Variants in MAP3K4 observed in about 807,000 individuals in gnomAD.
The protein encoded by MAP3K4 is MAP three kinase 1.
A neutral mutation model predicts 185.6 loss-of-function variants in MAP3K4; 67 were observed. The observed-to-expected ratio is 0.36, with a 90% CI of 0.30 to 0.44. The LOEUF is 0.44. Among genes scored for constraint, MAP3K4 ranks in the 20% least tolerant of loss-of-function variants. The pLI, the probability that MAP3K4 is intolerant of heterozygous loss-of-function variation, is 1.00. For missense variants in MAP3K4, 1,551 were observed against 1,995.1 expected, an observed-to-expected ratio of 0.78 and a Z score of 4.24; for synonymous variants, 702 against 710.4, an observed-to-expected ratio of 0.99 and a Z score of 0.19.
rs1025319748 is a variant in MAP3K4 at position 161,109,535 on chromosome 6, A to G, written c.4237-220A>G. 6.6e-6 allele frequency among the ~76,000 whole-genome samples: 1 copy of G among 152,208 alleles called. No homozygotes were observed. The highest frequency in any genetic ancestry group is 1.5e-5 in the Non-Finnish European group (1 of 68,032). On this transcript the variant is annotated intron_variant, in intron 22 of 26. Coordinates refer to ENST00000392142, the MANE Select transcript of MAP3K4 (RefSeq NM_005922.4). The surrounding 1 kb of genome is among the most constrained non-coding windows in gnomAD (Gnocchi z 5.7). ...TGATTTGGAGATGTTCTTATCCCCA[A>G]GAGCTGTATAATTCCAGACAGAGGA...
Position 161,101,654 on chromosome 6 carries a change from C to A in MAP3K4, c.3675-238C>A, listed in dbSNP as rs577436206. On this transcript the variant is annotated intron_variant, in intron 17 of 26. Coordinates refer to ENST00000392142, the MANE Select transcript of MAP3K4 (RefSeq NM_005922.4). The surrounding 1 kb of genome is among the most constrained non-coding windows in gnomAD (Gnocchi z 5.1). ...AACAGACTCCAGAGGACGGTCTCCA[C>A]AGCAGCGCTGTTCACTTAGGGGGCT... 58 of 433,940 alleles carry A rather than the reference C, an allele frequency of 1.3e-4. No individual in the cohort carries two copies. Among genetic ancestry groups the A allele is most frequent in the Non-Finnish European group, 2.2e-4 (53 of 238,892 alleles). The allele number at this position is 433,940 out of a possible 1,614,324, so 26.9% of individuals were successfully genotyped here. A position where few individuals can be genotyped will look rare whatever the true frequency, so the allele number is the denominator to read the frequency against.
At chr6:161,047,978 G>A (rs1783814590) in intron 2 of MAP3K4, among the ~76,000 whole-genome samples, 1 of 152,130 alleles carries the variant, frequency 6.6e-6, no homozygotes, top group Non-Finnish European at 1.5e-5. Flanking sequence ...CTTCAGTCTT[G>A]CTAATTTTAA....
At chr6:161,013,360 A>G (rs1781936059) in intron 1 of MAP3K4, among the ~76,000 whole-genome samples, 1 of 152,210 alleles carries the variant, frequency 6.6e-6, no homozygotes, top group Admixed American at 6.5e-5. Flanking sequence ...AATTTAGGAC[A>G]GTTATCCTCA....
chr6:161,059,580 G>C (rs1404819546), intron 3 of MAP3K4, among the ~76,000 whole-genome samples: 1 of 152,028 alleles, frequency 6.6e-6, no homozygotes, highest in Non-Finnish European at 1.5e-5. Flanking sequence ...AACTATTTAT[G>C]AATTTTATTC....
At chr6:161,085,323 C>G (rs960881619) in intron 7 of MAP3K4, among the ~76,000 whole-genome samples, 2 of 152,132 alleles carry the variant, frequency 1.3e-5, no homozygotes, top group African/African-American at 4.8e-5. Flanking sequence ...TTAGTGCATT[C>G]CTTCTGTTGA....
chr6:161,049,086 C>T lies in MAP3K4; in HGVS notation c.814C>T (p.His272Tyr). 1 of 1,614,148 alleles carries T rather than the reference C, an allele frequency of 6.2e-7. No individual in the cohort carries two copies. Among genetic ancestry groups the T allele is most frequent in the Non-Finnish European group, 8.5e-7 (1 of 1,180,002 alleles). The change falls in exon 3 of 27, where the codon CAT becomes TAT. Residue 272 changes from histidine (H) to tyrosine (Y), a missense_variant. Physicochemically the swap from His to Tyr is moderately conservative, Grantham distance 83. Coordinates refer to ENST00000392142, the MANE Select transcript of MAP3K4 (RefSeq NM_005922.4). The surrounding 1 kb of genome is among the most constrained non-coding windows in gnomAD (Gnocchi z 8.4). Reference protein sequence around the residue: ...ELIWLELQAWHAGRTINDQDF... With the variant: ...ELIWLELQAWYAGRTINDQDF... ...GATCTGGTTAGAGCTACAAGCCTGG[C>T]ATGCAGGACGGACAATTAACGACCA...
chr6:161,091,962 T>C lies in MAP3K4; in HGVS notation c.3136-48T>C, dbSNP rs1777330493. ...CATGGCATTATAGTGTGTGATATTA[T>C]TTAATGATCATTTCCTTAATGTTGA... is the stretch of plus-strand genomic sequence containing the variant. On this transcript the variant is annotated intron_variant, in intron 12 of 26. Transcript: ENST00000392142. This position sits in a 1 kb window ranked among gnomAD's most constrained non-coding sequence, Gnocchi z 5.5. 1 of 1,491,368 alleles carries C rather than the reference T, an allele frequency of 6.7e-7. No homozygotes were observed. The allele number at this position is 1,491,368 out of a possible 1,614,324, so 92.4% of individuals were successfully genotyped here.
chr6:161,079,283 AAGAC>A (rs1354587584), intron 5 of MAP3K4, among the ~76,000 whole-genome samples: 2 of 151,016 alleles, frequency 1.3e-5, no homozygotes, highest in African/African-American at 4.9e-5. Flanking sequence ...AGTGCATAGA[AAGAC>A]AGAGAGTTGG....
At position 161,070,219 on chromosome 6, in the gene MAP3K4, G is replaced by A. The variant is rs1784876211; in HGVS notation, c.1708-389G>A. The stretch of plus-strand genomic sequence containing the variant: ...TTTTGTAATGTTTTCTCTAATTTCA[G>A]TAATTCTCTGGTTTTTTTCCCAGTC... On this transcript the variant is annotated intron_variant, in intron 3 of 26. Coordinates refer to ENST00000392142, the MANE Select transcript of MAP3K4 (RefSeq NM_005922.4). The surrounding 1 kb of genome is among the most constrained non-coding windows in gnomAD (Gnocchi z 4.5). 6.6e-6 allele frequency among the ~76,000 whole-genome samples: 1 copy of A among 151,660 alleles called. No homozygotes were observed. Among genetic ancestry groups the A allele is most frequent in the African/African-American group, 2.4e-5 (1 of 41,242 alleles).
chr6:161,092,085 C>A lies in MAP3K4; in HGVS notation c.3211C>A (p.Arg1071=), dbSNP rs762938801. The A allele has an allele frequency of 1.2e-6, 2 of 1,613,674 alleles. No homozygotes were observed. The highest frequency in any genetic ancestry group is 1.1e-5 in the South Asian group (1 of 91,058). ...KIGDKYISFA[R]KWMNYVLTKC... ...AGGAGACAAATATATAAGCTTTGCC[C>A]GGAAGTGGATGAATTATGTCCTGAC... Residue 1071 remains arginine, a synonymous_variant, in exon 13 of 27, where the codon CGG becomes AGG. Coordinates refer to ENST00000392142, the MANE Select transcript of MAP3K4 (RefSeq NM_005922.4).
intron 10 of MAP3K4, 71 bp from the exon 11 acceptor site, chr6:161,089,251 C>A: frequency 6.7e-7 from 1 of 1,499,960 alleles, no homozygotes; most frequent in Non-Finnish European, 9.0e-7. Flanking sequence ...TGTTTTTGGA[C>A]TGGTGTTGAA....
At position 161,074,205 on chromosome 6, in the gene MAP3K4, G is replaced by A. The variant is rs1009784839; in HGVS notation, c.2097+593G>A. 6.6e-6 allele frequency among the ~76,000 whole-genome samples: 1 copy of A among 152,212 alleles called. No homozygotes were observed. The highest frequency in any genetic ancestry group is 1.5e-5 in the Non-Finnish European group (1 of 68,038). ...CAGTGAGGAAGCTGAATCTTAAAAA[G>A]ATGAGTTAAGGGTTAGTTAAGGAAC... On this transcript the variant is annotated intron_variant, in intron 5 of 26. Transcript: ENST00000392142. The surrounding 1 kb of genome is among the most constrained non-coding windows in gnomAD (Gnocchi z 5.0).
At position 161,071,609 on chromosome 6, in the gene MAP3K4, A is replaced by C. The variant is rs1262763337; in HGVS notation, c.1950+759A>C. On this transcript the variant is annotated intron_variant, in intron 4 of 26. Coordinates refer to ENST00000392142, the MANE Select transcript of MAP3K4 (RefSeq NM_005922.4). The surrounding 1 kb of genome is among the most constrained non-coding windows in gnomAD (Gnocchi z 4.6). ...AGTGCAGATTGAGGAAAGGCAGGTG[A>C]ATACAGGTCATACAGTAGGTACAAA... Among the ~76,000 whole-genome samples the C allele has an allele frequency of 6.6e-6, 1 of 152,188 alleles. No homozygotes were observed. Among genetic ancestry groups the C allele is most frequent in the Non-Finnish European group, 1.5e-5 (1 of 68,034 alleles).
rs1053323248 is a variant in MAP3K4 at position 161,071,154 on chromosome 6, C to A, written c.1950+304C>A. On this transcript the variant is annotated intron_variant, in intron 4 of 26. Coordinates refer to ENST00000392142, the MANE Select transcript of MAP3K4 (RefSeq NM_005922.4). This position sits in a 1 kb window ranked among gnomAD's most constrained non-coding sequence, Gnocchi z 4.6. ...TTCATAAGAGGTAGAGTATAAGATT[C>A]TTAAATTTATTTATTTTTTCTATTT... 1.3e-5 allele frequency among the ~76,000 whole-genome samples: 2 copies of A among 152,034 alleles called. No individual in the cohort carries two copies. The highest frequency in any genetic ancestry group is 1.3e-4 in the Admixed American group (2 of 15,276).
chr6:161,059,656 A>G (rs566796980), intron 3 of MAP3K4, among the ~76,000 whole-genome samples: 1 of 152,308 alleles, frequency 6.6e-6, no homozygotes, highest in Admixed American at 6.5e-5. Flanking sequence ...GATACTTAAC[A>G]CTGTATAGAA....
In MAP3K4 at chr6:161,098,109, T is replaced by A; in HGVS notation, c.3525-169T>A. On this transcript the variant is annotated intron_variant, in intron 16 of 26. Transcript: ENST00000392142. This position sits in a 1 kb window ranked among gnomAD's most constrained non-coding sequence, Gnocchi z 4.4. ...CTCAAAAAAAAGAAAAGCTTTGAAG[T>A]TAGGTTTTTTCTTTTTTACACCTAG... The A allele has an allele frequency of 1.3e-6, 1 of 776,416 alleles. No individual in the cohort carries two copies. The highest frequency in any genetic ancestry group is 1.9e-5 in the South Asian group (1 of 53,594). 48.1% of individuals were successfully genotyped at this position (776,416 alleles called of 1,614,324 possible).
intron 1 of MAP3K4, among the ~76,000 whole-genome samples, chr6:161,015,566 C>T (rs930890744): frequency 2.0e-5 from 3 of 152,248 alleles, no homozygotes; most frequent in African/African-American, 7.2e-5. Flanking sequence ...GTTCGTCAGG[C>T]TGTACAAGAA....
chr6:161,094,096 C>G (rs561563933), intron 15 of MAP3K4, among the ~76,000 whole-genome samples: 1 of 152,202 alleles, frequency 6.6e-6, no homozygotes, highest in Admixed American at 6.5e-5. Flanking sequence ...TTCAATTACA[C>G]ATTTCTTTCT....
At chr6:161,047,854 T>C (rs886164596) in intron 2 of MAP3K4, among the ~76,000 whole-genome samples, 1 of 152,216 alleles carries the variant, frequency 6.6e-6, no homozygotes, top group Non-Finnish European at 1.5e-5. Context: ...TTATAGAACC[T>C]CTTCTAGATG....
Sources: gnomAD v4.1 joint callset for allele counts (sites outside exome capture counted in the v4.1 genomes callset) on GRCh38, gnomAD v4.1.1 for gene constraint, Gnocchi (gnomAD v3.1) non-coding constraint, MANE v1.5 for transcripts, NCBI Gene and HGNC (gene_info 2026-07-23, HGNC 2026-07-21) for gene names.